The following ANKRD31 variants were observed in gnomAD, a reference collection of about 807,000 sequenced individuals.
The protein encoded by ANKRD31 is ankyrin repeat domain-containing protein 31.
A neutral mutation model predicts 186.0 loss-of-function variants in ANKRD31; 147 were observed. The observed-to-expected ratio is 0.79, with a 90% confidence interval of 0.69 to 0.91. The LOEUF (loss-of-function observed/expected upper bound fraction) is 0.91. ANKRD31 is among the 40% of genes least tolerant of loss of function. The probability of loss-of-function intolerance (pLI) is 0.00; values close to 1 mark genes in which losing one functional copy is unlikely to be tolerated. For synonymous variants in ANKRD31, 673 were observed against 736.4 expected (o/e 0.91, Z 1.39); for missense variants, 1,986 against 2,148.8 (o/e 0.92, Z 1.50).
intron 10 of ANKRD31, among the ~76,000 whole-genome samples, 164 bp downstream of exon 10, chr5:75,188,329 T>C (rs1191234820): frequency 6.6e-6 from 1 of 152,150 alleles, no homozygotes; most frequent in Non-Finnish European, 1.5e-5. Flanking sequence ...CCCTGCCCTC[T>C]TCCCTGAAAG....
intron 10 of ANKRD31, among the ~76,000 whole-genome samples, chr5:75,179,151 C>T (rs948266777): frequency 2.0e-5 from 3 of 152,040 alleles, no homozygotes; most frequent in East Asian, 1.9e-4. Context: ...GGATAAATTC[C>T]TCGACACATA....
chr5:75,084,251 TGA>T lies in ANKRD31; in HGVS notation c.5575+19_5575+20del. ...GGTGTTTTATCCCACAACGAAGAAA[TGA>T]GTGTTGTTCTGTACATACCTGGAAG... On this transcript the variant is annotated intron_variant, in intron 24 of 25. Coordinates refer to ENST00000506364, the MANE Select transcript of ANKRD31 (RefSeq NM_001372053.1). The T allele has an allele frequency of 6.7e-7, 1 of 1,498,640 alleles. No individual in the cohort carries two copies. The highest frequency in any genetic ancestry group is 9.0e-7 in the Non-Finnish European group (1 of 1,114,032). The allele number at this position is 1,498,640 out of a possible 1,614,324, so 92.8% of individuals were successfully genotyped here.
At chr5:75,139,041 A>G (rs1750818446) in intron 15 of ANKRD31, 58 bp from the exon 16 acceptor site, 1 of 1,509,270 alleles carries the variant, frequency 6.6e-7, no homozygotes, top group African/African-American at 1.4e-5. Context: ...GTTATAAAGG[A>G]TCTTAGAAAA....
chr5:75,081,216 A>G (rs1745051850), intron 24 of ANKRD31, among the ~76,000 whole-genome samples: 1 of 152,242 alleles, frequency 6.6e-6, no homozygotes, highest in South Asian at 2.1e-4. Context: ...GGTAGCAAGA[A>G]GCTGGTTGGC....
At chr5:75,172,808 A>AG (rs1753449576) in intron 10 of ANKRD31, among the ~76,000 whole-genome samples, 1 of 152,224 alleles carries the variant, frequency 6.6e-6, no homozygotes, top group African/African-American at 2.4e-5. Context: ...TAACAGAGGT[A>AG]CAAAGAGGAG....
At chr5:75,212,000 T>C (rs1264887751) in intron 3 of ANKRD31, among the ~76,000 whole-genome samples, 1 of 152,168 alleles carries the variant, frequency 6.6e-6, no homozygotes, top group Non-Finnish European at 1.5e-5. Context: ...AACTTATCTA[T>C]TTTTTCTTTT....
chr5:75,122,664 C>T (rs766868948), intron 17 of ANKRD31, among the ~76,000 whole-genome samples: 1 of 151,872 alleles, frequency 6.6e-6, no homozygotes, highest in Non-Finnish European at 1.5e-5. Context: ...TACATAAACA[C>T]AATTAAAGAC....
intron 1 of ANKRD31, among the ~76,000 whole-genome samples, chr5:75,232,415 C>G (rs1758005582): frequency 6.6e-6 from 1 of 152,136 alleles, no homozygotes; most frequent in African/African-American, 2.4e-5. Flanking sequence ...AAGTGCCTGC[C>G]ATCAGGCCCA....
At chr5:75,203,673 A>G (rs560541527) in intron 5 of ANKRD31, among the ~76,000 whole-genome samples, 23 of 148,330 alleles carry the variant, frequency 1.6e-4, no homozygotes, top group South Asian at 4.2e-4. Context: ...AAAAAAAAAA[A>G]AAAAGAAAAG....
chr5:75,217,462 A>AAC (rs1757028654), intron 3 of ANKRD31, among the ~76,000 whole-genome samples: 1 of 152,114 alleles, frequency 6.6e-6, no homozygotes, highest in Admixed American at 6.6e-5. Flanking sequence ...GGAACCCTTT[A>AAC]CCATTAAGTA....
At chr5:75,138,719 A>T (rs1178205744) in intron 16 of ANKRD31, 127 bp downstream of exon 16, 18 of 976,314 alleles carry the variant, frequency 1.8e-5, no homozygotes, top group Non-Finnish European at 2.6e-5. Flanking sequence ...AATATAATAT[A>T]AAAAAGATTG....
At chr5:75,106,658 G>A (rs1306634108) in intron 21 of ANKRD31, among the ~76,000 whole-genome samples, 1 of 151,804 alleles carries the variant, frequency 6.6e-6, no homozygotes, top group Non-Finnish European at 1.5e-5. Context: ...TATAGTACAT[G>A]GTTAACCACA....
At chr5:75,198,864 T>C (rs1755636820) in intron 6 of ANKRD31, among the ~76,000 whole-genome samples, 2 of 152,182 alleles carry the variant, frequency 1.3e-5, no homozygotes, top group Admixed American at 1.3e-4. Flanking sequence ...ATCTTACAGA[T>C]ATAAACAGTT....
intron 24 of ANKRD31, among the ~76,000 whole-genome samples, chr5:75,083,597 G>A (rs1745245616): frequency 6.6e-6 from 1 of 152,132 alleles, no homozygotes; most frequent in Non-Finnish European, 1.5e-5. Flanking sequence ...GGGCCTGGTA[G>A]TGTGCACCTG....
At chr5:75,204,536 T>C (rs1214756361) in intron 5 of ANKRD31, among the ~76,000 whole-genome samples, 2 of 152,258 alleles carry the variant, frequency 1.3e-5, no homozygotes, top group African/African-American at 4.8e-5. Flanking sequence ...TTATGTAGTG[T>C]TACTAGAAAC....
In ANKRD31 at chr5:75,107,604, T is replaced by C. The variant is rs1747434202; in HGVS notation, c.4257A>G (p.Glu1419=). The C allele has an allele frequency of 1.3e-6, 2 of 1,519,218 alleles. No individual in the cohort carries two copies. The highest frequency in any genetic ancestry group is 1.8e-6 in the Non-Finnish European group (2 of 1,135,778). 94.1% of individuals were successfully genotyped at this position (1,519,218 alleles called of 1,614,324 possible). Residue 1419 remains glutamate, a synonymous_variant, in exon 21 of 26, where the codon GAA becomes GAG. Transcript: ENST00000506364. ...TAATCTTTTTTATCTTTAACATCTT[T>C]TCAATGTATTGTTCTAGAAACATGA... is the stretch of plus-strand genomic sequence containing the variant. ...RNPEDAEQYI[E]KMLKIKKIMD... is the part of the protein sequence containing the mutation.
chr5:75,170,234 A>T (rs899239415), intron 10 of ANKRD31, among the ~76,000 whole-genome samples: 2 of 152,150 alleles, frequency 1.3e-5, no homozygotes, highest in African/African-American at 4.8e-5. Context: ...CATATGAAGT[A>T]TTATAATATT....
At chr5:75,120,959 C>T (rs188009593) in intron 17 of ANKRD31, among the ~76,000 whole-genome samples, 42 of 151,998 alleles carry the variant, frequency 2.8e-4, no homozygotes, top group African/African-American at 8.9e-4. Context: ...CCGAGACAGG[C>T]GGATCATTAG....
chr5:75,192,883 T>C, intron 8 of ANKRD31, 107 bp from the exon 9 acceptor site: 1 of 871,256 alleles, frequency 1.1e-6, no homozygotes, highest in Non-Finnish European at 1.7e-6. Flanking sequence ...GGTATTTTAC[T>C]GAGCTGTTCT....
Sources: allele counts gnomAD v4.1 joint callset (sites outside exome capture counted in the v4.1 genomes callset), GRCh38; gene constraint gnomAD v4.1.1; transcripts MANE v1.5; gene names NCBI Gene and HGNC (gene_info 2026-07-23, HGNC 2026-07-21).